FNDC7: variants seen among roughly 807,000 people sequenced by gnomAD.
FNDC7 encodes fibronectin type III domain-containing protein 7.
In FNDC7, 66 loss-of-function variants were observed where a neutral mutation model predicts 74.2. The ratio of observed to expected loss-of-function variants is 0.89; its 90% CI spans 0.73 to 1.09. The LOEUF (loss-of-function observed/expected upper bound fraction) is 1.09, where lower values mean the gene tolerates loss of function less well. FNDC7 is among the 50% of genes least tolerant of loss of function. FNDC7 has a pLI of 0.00. For missense variants in FNDC7, 829 were observed against 893.4 expected (o/e 0.93, Z 0.92); for synonymous variants, 307 against 330.2 (o/e 0.93, Z 0.76).
intron 7 of FNDC7, among the ~76,000 whole-genome samples, chr1:108,728,381 C>T (rs1042054678): frequency 6.6e-6 from 1 of 152,280 alleles, no homozygotes; most frequent in Middle Eastern, 3.4e-3. Flanking sequence ...AAATATGTTT[C>T]TTACTTACTT....
At position 108,722,424 on chromosome 1, in the gene FNDC7, A is replaced by G. The variant is rs1330164856; in HGVS notation, c.688A>G (p.Asn230Asp). 6.2e-7 allele frequency: 1 copy of G among 1,614,190 alleles called. No individual in the cohort carries two copies. The highest frequency in any genetic ancestry group is 8.5e-7 in the Non-Finnish European group (1 of 1,180,010). ...CTGGGCACGGGCAGAAGGAGCTTTC[A>G]ATTATACTGTGATGGCTTTGAGCGA... is the stretch of plus-strand genomic sequence containing the variant. ...FSWARAEGAF[N>D]YTVMALSDSS... Residue 230 changes from asparagine to aspartate, a missense_variant, in exon 5 of 13, where the codon AAT (asparagine) becomes GAT (aspartate). Coordinates refer to ENST00000370017, the MANE Select transcript of FNDC7 (RefSeq NM_001144937.3).
chr1:108,727,977 G>A lies in FNDC7; in HGVS notation c.1281G>A (p.Glu427=). The change falls in exon 7 of 13, where the codon GAG becomes GAA. Residue 427 remains glutamate (E), a synonymous_variant. Coordinates refer to ENST00000370017, the MANE Select transcript of FNDC7 (RefSeq NM_001144937.3). The part of the protein sequence containing the change: ...TTPACTLSAL[E]CDTKYNITVY... ...CTGCGTGCACCCTTTCGGCTCTAGA[G>A]TGTGACACCAAGTACAACATCACAG... 1.2e-6 allele frequency: 2 copies of A among 1,614,144 alleles called. No individual in the cohort carries two copies. Among genetic ancestry groups the A allele is most frequent in the Non-Finnish European group, 1.7e-6 (2 of 1,180,018 alleles).
At chr1:108,723,810 C>T (rs1196897044) in intron 5 of FNDC7, among the ~76,000 whole-genome samples, 1 of 152,210 alleles carries the variant, frequency 6.6e-6, no homozygotes, top group Non-Finnish European at 1.5e-5. Context: ...CCAGGTCCCA[C>T]TTAAGACCAA....
Position 108,741,786 on chromosome 1 carries a change from G to A in FNDC7, c.2184G>A (p.Gly728=). The part of the protein sequence containing the change: ...GSTLGMVIYR[G]KRNEE ...TACCCTTTTCAGTGATTTATAGAGG[G>A]AAGAGAAATGAAGAATGACAAAGTG... Residue 728 remains glycine (G), a synonymous_variant, in exon 12 of 13, where the codon GGG becomes GGA. Transcript: ENST00000370017. 2 of 1,613,828 alleles carry A rather than the reference G, an allele frequency of 1.2e-6. No homozygotes were observed. The highest frequency in any genetic ancestry group is 1.7e-6 in the Non-Finnish European group (2 of 1,179,958).
chr1:108,735,736 GC>G (rs1201072399), intron 10 of FNDC7, among the ~76,000 whole-genome samples: 6 of 152,102 alleles, frequency 3.9e-5, no homozygotes, highest in South Asian at 2.1e-4. Context: ...GTTCAAACTA[GC>G]CATATGTTCA....
At position 108,727,960 on chromosome 1, in the gene FNDC7, A is replaced by G. The variant is rs1661254924; in HGVS notation, c.1264A>G (p.Thr422Ala). The G allele has an allele frequency of 1.2e-6, 2 of 1,613,944 alleles. No individual in the cohort carries two copies. Among genetic ancestry groups the G allele is most frequent in the Non-Finnish European group, 1.7e-6 (2 of 1,180,020 alleles). ...GTGCAATGACACTACTCCTGCGTGC[A>G]CCCTTTCGGCTCTAGAGTGTGACAC... is the stretch of plus-strand genomic sequence containing the variant. The part of the protein sequence containing the change: ...VECNDTTPAC[T>A]LSALECDTKY... The change falls in exon 7 of 13, where the codon ACC (threonine) becomes GCC (alanine). Residue 422 changes from threonine (T) to alanine (A), a missense_variant. By Grantham distance (58) the Thr-to-Ala change is moderately conservative. Coordinates refer to ENST00000370017, the MANE Select transcript of FNDC7 (RefSeq NM_001144937.3).
intron 10 of FNDC7, among the ~76,000 whole-genome samples, chr1:108,737,087 C>T (rs919014080): frequency 1.3e-5 from 2 of 151,798 alleles, no homozygotes; most frequent in Non-Finnish European, 2.9e-5. Flanking sequence ...CCTCCTCAGC[C>T]TCCTGAGTAG....
At chr1:108,733,930 A>C (rs1427953546) in intron 10 of FNDC7, among the ~76,000 whole-genome samples, 6 of 152,180 alleles carry the variant, frequency 3.9e-5, no homozygotes, top group Admixed American at 2.6e-4. Context: ...GATTACAGGC[A>C]TGAACCACTG....
chr1:108,733,936 C>A (rs916239231), intron 10 of FNDC7, among the ~76,000 whole-genome samples: 6 of 152,168 alleles, frequency 3.9e-5, no homozygotes, highest in Admixed American at 2.0e-4. Flanking sequence ...AGGCATGAAC[C>A]ACTGCACCCA....
In FNDC7 at chr1:108,728,050, C is replaced by T. The variant is rs1661259320; in HGVS notation, c.1354C>T (p.Gln452Ter). ...AGGCAGCAATATGTCATGTACTCCC[C>T]AGTTCATAACCACAGGTAAGGCACA... ...VRGSNMSCTP[Q>*]FITTAPCSPE... The change falls in exon 7 of 13, where the codon CAG becomes TAG. Residue 452 changes from glutamine (Q) to a stop codon, truncating the protein, a stop_gained. Transcript: ENST00000370017. LOFTEE classifies it high-confidence loss of function. 5.6e-6 allele frequency: 9 copies of T among 1,613,798 alleles called. No homozygotes were observed. The highest frequency in any genetic ancestry group is 7.6e-6 in the Non-Finnish European group (9 of 1,179,804).
intron 7 of FNDC7, 22 bp from the exon 8 acceptor site, chr1:108,728,610 T>C: frequency 5.0e-6 from 8 of 1,613,016 alleles, no homozygotes; most frequent in Non-Finnish European, 6.8e-6. Flanking sequence ...GCTGGTTCAA[T>C]TAATACTCTA....
At chr1:108,722,730 C>G in intron 5 of FNDC7, 138 bp downstream of exon 5, 1 of 999,502 alleles carries the variant, frequency 1.0e-6, no homozygotes, top group Non-Finnish European at 1.4e-6. Context: ...TAGAGTTGGA[C>G]ATTCTCATGA....
chr1:108,738,125 G>A (rs1485194457), intron 11 of FNDC7, among the ~76,000 whole-genome samples: 1 of 152,206 alleles, frequency 6.6e-6, no homozygotes, highest in Non-Finnish European at 1.5e-5. Context: ...TGATGCTGGC[G>A]ATGCCGAGGC....
chr1:108,734,413 C>A (rs1192556594), intron 10 of FNDC7: 1 of 152,200 alleles, frequency 6.6e-6, no homozygotes, highest in Non-Finnish European at 1.5e-5. Context: ...TGTTCCAGCA[C>A]CTTCTGCTAC....
Position 108,717,885 on chromosome 1 carries a change from A to G in FNDC7, c.191A>G (p.Asp64Gly). 6.4e-7 allele frequency: 1 copy of G among 1,551,698 alleles called. No homozygotes were observed. The highest frequency in any genetic ancestry group is 8.7e-7 in the Non-Finnish European group (1 of 1,146,994). ...ACCAGTTACCTCCTCACGGCTGAAG[A>G]CGGGGACACAGTCATTGAAACCACG... ...GATSYLLTAEDGDTVIETTVA... is the reference protein window; with the variant it reads ...GATSYLLTAEGGDTVIETTVA... Residue 64 changes from aspartate (D) to glycine (G), a missense_variant, in exon 3 of 13, where the codon GAC (aspartate) becomes GGC (glycine). Physicochemically the swap from Asp to Gly is moderately conservative, Grantham distance 94. Coordinates refer to ENST00000370017, the MANE Select transcript of FNDC7 (RefSeq NM_001144937.3).
intron 8 of FNDC7, among the ~76,000 whole-genome samples, chr1:108,729,823 C>G (rs1661303402): frequency 6.6e-6 from 1 of 151,972 alleles, no homozygotes; most frequent in Non-Finnish European, 1.5e-5. Context: ...GTTGAAATAC[C>G]TAAAAAAAGA....
chr1:108,732,076 G>C (rs1435458129), intron 9 of FNDC7, among the ~76,000 whole-genome samples: 2 of 152,104 alleles, frequency 1.3e-5, no homozygotes, highest in Non-Finnish European at 2.9e-5. Flanking sequence ...ATACTAATCA[G>C]TGGCCTGGCG....
In FNDC7 at chr1:108,737,510, G is replaced by C; in HGVS notation, c.2156G>C (p.Ser719Thr). Residue 719 changes from serine (S) to threonine (T), a missense_variant, in exon 11 of 13, where the codon AGT (serine) becomes ACT (threonine). By Grantham distance (58) the Ser-to-Thr change is moderately conservative. Coordinates refer to ENST00000370017, the MANE Select transcript of FNDC7 (RefSeq NM_001144937.3). ...KKIYSVTCSGSTLGMVIYRGK... is the reference protein window; with the variant it reads ...KKIYSVTCSGTTLGMVIYRGK... ...TTTATTACAGTAACTTGCTCTGGAA[G>C]TACACTTGGAATGGGTAAGTCATTT... The C allele has an allele frequency of 6.3e-7, 1 of 1,591,938 alleles. No homozygotes were observed. Among genetic ancestry groups the C allele is most frequent in the Non-Finnish European group, 8.5e-7 (1 of 1,172,680 alleles).
Position 108,719,032 on chromosome 1 carries a change from C to T in FNDC7, c.581C>T (p.Thr194Ile). The change falls in exon 4 of 13, where the codon ACC becomes ATC. Residue 194 changes from threonine (T) to isoleucine (I), a missense_variant. By Grantham distance (89) the Thr-to-Ile change is moderately conservative. Coordinates refer to ENST00000370017, the MANE Select transcript of FNDC7 (RefSeq NM_001144937.3). The stretch of plus-strand genomic sequence containing the variant: ...AACAGAATCCCTGGGGATGACTCCA[C>T]CTGCAATCAGAGAACAAGTAAGAAC... ...NANRIPGDDS[T>I]CNQRTSPRAP... 2.6e-6 allele frequency: 4 copies of T among 1,552,246 alleles called. No individual in the cohort carries two copies. The highest frequency in any genetic ancestry group is 2.6e-6 in the Non-Finnish European group (3 of 1,147,100).
Sources: allele counts gnomAD v4.1 joint callset (sites outside exome capture counted in the v4.1 genomes callset), GRCh38; gene constraint gnomAD v4.1.1; transcripts MANE v1.5; gene names NCBI Gene and HGNC (gene_info 2026-07-23, HGNC 2026-07-21).